The following ELAVL3 variants were observed in gnomAD, a reference collection of about 807,000 sequenced individuals.
ELAVL3 encodes the protein ELAV-like protein 3.
Under a neutral mutation model 34.2 loss-of-function variants are expected in ELAVL3, and 8 were observed. The observed-to-expected ratio is 0.23, with a 90% CI of 0.14 to 0.42. ELAVL3 has a LOEUF of 0.42. ELAVL3 is among the 10% of genes least tolerant of loss of function. ELAVL3 has a pLI of 1.00. For synonymous variants in ELAVL3, 209 were observed against 222.1 expected (o/e 0.94, Z 0.53); for missense variants, 273 against 518.8 (o/e 0.53, Z 4.60).
chr19:11,464,734 CACCACACACATACA>C (rs1970982886), intron 3 of ELAVL3, among the ~76,000 whole-genome samples: 1 of 135,560 alleles, frequency 7.4e-6, no homozygotes, highest in African/African-American at 2.9e-5. Context: ...ATCACACACA[CACCACACACATACA>C]CCACACACAC....
intron 3 of ELAVL3, among the ~76,000 whole-genome samples, chr19:11,464,985 ACACACAC>A (rs1198917124): frequency 8.3e-5 from 11 of 132,794 alleles, no homozygotes; most frequent in African/African-American, 1.5e-4. Flanking sequence ...CATACACCAC[ACACACAC>A]CACACACCAC....
chr19:11,472,836 G>T (rs947968911), intron 1 of ELAVL3, among the ~76,000 whole-genome samples: 1 of 152,030 alleles, frequency 6.6e-6, no homozygotes, highest in East Asian at 1.9e-4. Context: ...AGACCAAGGG[G>T]GGGTGGATCG....
chr19:11,460,104 C>A (rs775916048), intron 3 of ELAVL3, among the ~76,000 whole-genome samples: 3 of 152,140 alleles, frequency 2.0e-5, no homozygotes, highest in Non-Finnish European at 4.4e-5. Context: ...CGCCTCCAAT[C>A]TGCCCCAACT....
intron 1 of ELAVL3, among the ~76,000 whole-genome samples, chr19:11,469,570 G>A (rs1250119352): frequency 6.6e-6 from 1 of 151,992 alleles, no homozygotes; most frequent in Admixed American, 6.6e-5. Context: ...GTGAGCCACC[G>A]TGCCCAGCCG....
intron 6 of ELAVL3, among the ~76,000 whole-genome samples, 187 bp from the exon 7 acceptor site, chr19:11,455,064 T>C (rs1970740575): frequency 6.6e-6 from 1 of 151,986 alleles, no homozygotes; most frequent in Non-Finnish European, 1.5e-5. Context: ...AGTGGTGCAA[T>C]CATGGCTCAC....
rs372416115 is a variant in ELAVL3 at position 11,461,219 on chromosome 19, T to C, written c.334-2608A>G. Among the ~76,000 whole-genome samples, 545 of 152,224 alleles carry C rather than the reference T, an allele frequency of 3.6e-3. 5 individuals carry two copies. Among genetic ancestry groups the C allele is most frequent in the Non-Finnish European group, 6.3e-3 (427 of 68,020 alleles). On this transcript the variant is annotated intron_variant, in intron 3 of 6. Transcript: ENST00000359227. ...AAAAAGATGGACATATATATTTATT[T>C]CCCAGAAACGGTGGTGACTGGTGAG...
chr19:11,480,894 C>T lies in ELAVL3; in HGVS notation c.-286G>A. On this transcript the variant is annotated 5_prime_UTR_variant, in exon 1 of 7. Transcript: ENST00000359227. This position sits in a 1 kb window ranked among gnomAD's most constrained non-coding sequence, Gnocchi z 6.8. ...ACGCCCCCTGCGCGGCCCCGCGGGG[C>T]CCGGGGAGGTTGCGCTTCCCGACAG... 8.7e-6 allele frequency: 3 copies of T among 344,446 alleles called. No individual in the cohort carries two copies. The highest frequency in any genetic ancestry group is 1.0e-5 in the Non-Finnish European group (2 of 190,988). The allele number at this position is 344,446 out of a possible 1,614,324, so 21.3% of individuals were successfully genotyped here. A position where few individuals can be genotyped will look rare whatever the true frequency, so the allele number is the denominator to read the frequency against.
At chr19:11,464,977 TACACCACACAC>T (rs1272828844) in intron 3 of ELAVL3, among the ~76,000 whole-genome samples, 10 of 57,668 alleles carry the variant, frequency 1.7e-4, no homozygotes, top group Non-Finnish European at 2.6e-4. Context: ...GACACACACA[TACACCACACAC>T]ACACCACACA....
In ELAVL3 at chr19:11,457,120, C is replaced by A; in HGVS notation, c.742G>T (p.Gly248Cys). The change falls in exon 6 of 7, where the codon GGC becomes TGC. Residue 248 changes from glycine to cysteine, a missense_variant. By Grantham distance (159) the Gly-to-Cys change is radical. Coordinates refer to ENST00000359227, the MANE Select transcript of ELAVL3 (RefSeq NM_001420.4). ...RLDNLLNMAY[G>C]VKSPLSLIAR... ...CGGGGTCACTGTTACCTCTTGACGC[C>A]GTAGGCCATGTTGAGCAAATTGTCC... 6.5e-7 allele frequency: 1 copy of A among 1,541,140 alleles called. No homozygotes were observed.
At chr19:11,473,969 T>A (rs900078785) in intron 1 of ELAVL3, among the ~76,000 whole-genome samples, 1 of 152,230 alleles carries the variant, frequency 6.6e-6, no homozygotes, top group Non-Finnish European at 1.5e-5. Flanking sequence ...GTCATGGGCA[T>A]GATCATGGGA....
Position 11,458,341 on chromosome 19 carries a change from C to A in ELAVL3, c.488-55G>T. ...CGACCCTGTCCCCTCCTGTGTAACC[C>A]CACTTCTCCCTTCCCTGCTTCATGC... On this transcript the variant is annotated intron_variant, in intron 4 of 6. Coordinates refer to ENST00000359227, the MANE Select transcript of ELAVL3 (RefSeq NM_001420.4). The surrounding 1 kb of genome is among the most constrained non-coding windows in gnomAD (Gnocchi z 7.3). The A allele has an allele frequency of 6.2e-7, 1 of 1,607,118 alleles. No homozygotes were observed. The highest frequency in any genetic ancestry group is 1.1e-5 in the South Asian group (1 of 90,728).
chr19:11,467,129 G>A (rs1568384062), intron 1 of ELAVL3, among the ~76,000 whole-genome samples: 1 of 152,098 alleles, frequency 6.6e-6, no homozygotes. Context: ...TTTCACACCG[G>A]AAACGCTTTC....
intron 1 of ELAVL3, among the ~76,000 whole-genome samples, chr19:11,475,612 CTTTTT>C (rs35672237): frequency 6.0e-5 from 8 of 133,738 alleles, no homozygotes; most frequent in South Asian, 2.4e-4. Context: ...TCACCATCTA[CTTTTT>C]TTTTTTTTTT....
In ELAVL3 at chr19:11,458,481, C is replaced by T. The variant is rs1323747400; in HGVS notation, c.464G>A (p.Arg155His). Residue 155 changes from arginine to histidine, a missense_variant, in exon 4 of 7, where the codon CGC (arginine) becomes CAC (histidine). Coordinates refer to ENST00000359227, the MANE Select transcript of ELAVL3 (RefSeq NM_001420.4). The surrounding 1 kb of genome is among the most constrained non-coding windows in gnomAD (Gnocchi z 7.3). ...FSQYGRIITS[R>H]ILVDQVTGVS... is the part of the protein sequence containing the mutation. ...ACCTGTGACCTGGTCCACCAGGATGCGGGACGTGATGATGCGGCCGTACTG... is the reference window on the plus strand; with the variant it reads ...ACCTGTGACCTGGTCCACCAGGATGTGGGACGTGATGATGCGGCCGTACTG... 1.9e-6 allele frequency: 3 copies of T among 1,614,074 alleles called. No individual in the cohort carries two copies. The highest frequency in any genetic ancestry group is 1.7e-6 in the Non-Finnish European group (2 of 1,180,036).
At chr19:11,457,635 C>T (rs900614880) in intron 5 of ELAVL3, among the ~76,000 whole-genome samples, 1 of 152,216 alleles carries the variant, frequency 6.6e-6, no homozygotes, top group Non-Finnish European at 1.5e-5. Flanking sequence ...AACCCCAACA[C>T]CTCTCTGTGC....
chr19:11,463,444 C>T (rs1970933515), intron 3 of ELAVL3, among the ~76,000 whole-genome samples: 1 of 152,124 alleles, frequency 6.6e-6, no homozygotes, highest in Non-Finnish European at 1.5e-5. Flanking sequence ...TTCTCAGCAA[C>T]GTTCAGGAGG....
At position 11,478,361 on chromosome 19, in the gene ELAVL3, C is replaced by T. The variant is rs1181137425; in HGVS notation, c.9+2239G>A. On this transcript the variant is annotated intron_variant, in intron 1 of 6. Coordinates refer to ENST00000359227, the MANE Select transcript of ELAVL3 (RefSeq NM_001420.4). ...TAGCGGGACCAGTATCTCGTTTCCT[C>T]TGTGGCTGAGCCGGCTGAGCTGATA... Among the ~76,000 whole-genome samples the T allele has an allele frequency of 2.6e-5, 4 of 152,142 alleles. No homozygotes were observed. In the South Asian group the frequency reaches 8.3e-4, roughly 32 times the overall value.
intron 1 of ELAVL3, among the ~76,000 whole-genome samples, chr19:11,478,773 A>G (rs1011119345): frequency 5.3e-5 from 8 of 152,072 alleles, no homozygotes; most frequent in African/African-American, 1.7e-4. Context: ...ACCTGAGGCC[A>G]CTTTTTTCTT....
Position 11,451,492 on chromosome 19 carries a change from G to GTTTTT in ELAVL3, c.*3033_*3034insAAAAA, listed in dbSNP as rs1568374278. On this transcript the variant is annotated 3_prime_UTR_variant, in exon 7 of 7. Transcript: ENST00000359227. ...TTTTTTTTTTTTTGTCTTTTGTTTT[G>GTTTTT]TCTTTTTTTTTTTTTTTTTTTTTAC... 5.2e-5 allele frequency: 4 copies of GTTTTT among 77,338 alleles called. No homozygotes were observed. Among genetic ancestry groups the GTTTTT allele is most frequent in the Non-Finnish European group, 8.2e-5 (3 of 36,632 alleles). The allele number at this position is 77,338 out of a possible 1,614,324, so 4.8% of individuals were successfully genotyped here.
Sources: allele counts gnomAD v4.1 joint callset (sites outside exome capture counted in the v4.1 genomes callset), GRCh38; gene constraint gnomAD v4.1.1; non-coding constraint Gnocchi (gnomAD v3.1); transcripts MANE v1.5; gene names NCBI Gene and HGNC (gene_info 2026-07-23, HGNC 2026-07-21).